DLG2: variants seen among roughly 807,000 people sequenced by gnomAD.
The protein encoded by DLG2 is discs large MAGUK scaffold protein 2.
A neutral mutation model predicts 132.5 loss-of-function variants in DLG2; 45 were observed. That is an observed-to-expected ratio of 0.34 (90% CI 0.27 to 0.44). The LOEUF (loss-of-function observed/expected upper bound fraction) is 0.44, where lower values mean the gene tolerates loss of function less well. Ranked by LOEUF, DLG2 falls within the 20% of genes least tolerant of loss-of-function variation. The pLI is 1.00. For missense variants in DLG2, 1,045 were observed against 1,196.9 expected (o/e 0.87, Z 1.87); for synonymous variants, 424 against 419.6 (o/e 1.01, Z -0.13).
intron 6 of DLG2, chr11:84,546,491 C>T (rs1403257199): frequency 3.9e-6 from 1 of 253,186 alleles, no homozygotes; most frequent in Non-Finnish European, 8.0e-6. Flanking sequence ...TTCTTGATAG[C>T]AGTGCAACCA....
intron 18 of DLG2, among the ~76,000 whole-genome samples, chr11:83,694,779 T>C (rs1294895510): frequency 6.6e-6 from 1 of 152,220 alleles, no homozygotes; most frequent in Non-Finnish European, 1.5e-5. Context: ...CAGGCAGGAA[T>C]GGGTTTAACA....
At position 83,654,924 on chromosome 11, in the gene DLG2, A is replaced by C. The variant is rs569063520; in HGVS notation, c.1826-21599T>G. Among the ~76,000 whole-genome samples, 5 of 152,372 alleles carry C rather than the reference A, an allele frequency of 3.3e-5. No homozygotes were observed. The South Asian group carries it at 1.0e-3, about 32-fold the overall frequency. On this transcript the variant is annotated intron_variant, in intron 18 of 27. Transcript: ENST00000376104. Reference sequence around the variant, plus strand: ...GATAAGATGTCTTGGGGACTGGTCCAGGTGCAGGACAAGAGAAACAACTAT... The same window carrying C: ...GATAAGATGTCTTGGGGACTGGTCCCGGTGCAGGACAAGAGAAACAACTAT...
chr11:85,558,592 G>A lies in DLG2; in HGVS notation c.40+40065C>T, dbSNP rs1353953947. Among the ~76,000 whole-genome samples, 9 of 151,954 alleles carry A rather than the reference G, an allele frequency of 5.9e-5. No individual in the cohort carries two copies. In the South Asian group the frequency reaches 6.2e-4, roughly 11 times the overall value. On this transcript the variant is annotated intron_variant, in intron 3 of 27. Transcript: ENST00000376104. The stretch of plus-strand genomic sequence containing the variant: ...AAAGACAATGTGGTATATATACACC[G>A]TGGAATACTATGCAGCCATGAAAAA...
At chr11:83,874,575 T>C in intron 15 of DLG2, 87 bp from the exon 16 acceptor site, 3 of 1,035,754 alleles carry the variant, frequency 2.9e-6, no homozygotes, top group South Asian at 2.0e-5. Context: ...TTAGGGTACA[T>C]GTGCACAACG....
chr11:83,494,595 T>A (rs1028565745), intron 21 of DLG2, among the ~76,000 whole-genome samples: 3 of 151,632 alleles, frequency 2.0e-5, no homozygotes, highest in Non-Finnish European at 4.4e-5. Flanking sequence ...TTTGTATGGA[T>A]TTTTTAGTTA....
At chr11:83,918,484 G>A (rs890541732) in intron 15 of DLG2, among the ~76,000 whole-genome samples, 1 of 152,236 alleles carries the variant, frequency 6.6e-6, no homozygotes, top group South Asian at 2.1e-4. Context: ...CTAAGAAAAG[G>A]TTTGTTGCTC....
chr11:84,877,321 A>G (rs1274737204), intron 6 of DLG2, among the ~76,000 whole-genome samples: 1 of 151,884 alleles, frequency 6.6e-6, no homozygotes, highest in Admixed American at 6.6e-5. Flanking sequence ...TGGGAGTGTA[A>G]GCCTCTTTTT....
At chr11:84,254,485 T>C (rs2097433899) in intron 7 of DLG2, among the ~76,000 whole-genome samples, 1 of 152,150 alleles carries the variant, frequency 6.6e-6, no homozygotes. Flanking sequence ...TTAGAATTTA[T>C]TGACTAAAGG....
intron 6 of DLG2, among the ~76,000 whole-genome samples, chr11:84,977,000 A>T (rs948004868): frequency 2.6e-5 from 4 of 152,076 alleles, no homozygotes; most frequent in Non-Finnish European, 4.4e-5. Flanking sequence ...ACCGGTTACA[A>T]TGTAGCTATA....
At chr11:83,786,836 T>C (rs775179827) in intron 17 of DLG2, 44 bp from the exon 18 acceptor site, 1 of 1,574,304 alleles carries the variant, frequency 6.4e-7, no homozygotes, top group Non-Finnish European at 8.7e-7. Context: ...TCATAAGGCA[T>C]ATTATCCTGA....
chr11:84,934,525 G>GTTTTTTTTTTTTTTTTTTTTTTTTTTT (rs757894179), intron 6 of DLG2, among the ~76,000 whole-genome samples: 1 of 38,658 alleles, frequency 2.6e-5, no homozygotes. Context: ...GTTTTGTTTT[G>GTTTTTTTTTTTTTTTTTTTTTTTTTTT]TTTTTTTTTT....
intron 6 of DLG2, among the ~76,000 whole-genome samples, chr11:84,971,822 G>T (rs1267178102): frequency 6.6e-6 from 1 of 151,984 alleles, no homozygotes; most frequent in East Asian, 1.9e-4. Flanking sequence ...AATTAAGGAA[G>T]TCAAAAAAGC....
intron 3 of DLG2, among the ~76,000 whole-genome samples, chr11:85,422,193 A>G (rs1185684918): frequency 3.3e-5 from 5 of 152,236 alleles, no homozygotes; most frequent in Non-Finnish European, 7.3e-5. Flanking sequence ...TGAATTTCCC[A>G]GGAATTCTTT....
chr11:85,378,841 T>C (rs1175375178), intron 3 of DLG2, among the ~76,000 whole-genome samples: 1 of 152,138 alleles, frequency 6.6e-6, no homozygotes, highest in East Asian at 1.9e-4. Context: ...ATAACAAAAG[T>C]TTGAATACAT....
In DLG2 at chr11:83,685,640, A is replaced by G. The variant is rs188029984; in HGVS notation, c.1826-52315T>C. 2.0e-5 allele frequency among the ~76,000 whole-genome samples: 3 copies of G among 152,192 alleles called. No homozygotes were observed. The East Asian group carries it at 5.8e-4, about 29-fold the overall frequency. On this transcript the variant is annotated intron_variant, in intron 18 of 27. Transcript: ENST00000376104. ...CTTTTTTATACTCGCTCCCAAGGCT[A>G]GCCATCCGGTATCAAGACTAAAATG...
chr11:85,581,984 T>A (rs1311877948), intron 3 of DLG2, among the ~76,000 whole-genome samples: 2 of 152,158 alleles, frequency 1.3e-5, no homozygotes, highest in Non-Finnish European at 2.9e-5. Context: ...AGGCATTTGG[T>A]CATAAATTTA....
intron 3 of DLG2, among the ~76,000 whole-genome samples, chr11:85,572,785 G>A (rs999235424): frequency 2.0e-5 from 3 of 152,208 alleles, no homozygotes; most frequent in Non-Finnish European, 4.4e-5. Context: ...CACTGCATGT[G>A]TTAGGGACAC....
intron 6 of DLG2, among the ~76,000 whole-genome samples, chr11:84,815,981 C>T (rs2077046716): frequency 6.6e-6 from 1 of 151,996 alleles, no homozygotes; most frequent in Non-Finnish European, 1.5e-5. Context: ...TTTCAGTTTG[C>T]TGCAAACAAC....
rs190791924 is a variant in DLG2, at chr11:83,564,580, A to G, written c.1941-22722T>C. 5.9e-5 allele frequency among the ~76,000 whole-genome samples: 9 copies of G among 152,280 alleles called. No individual in the cohort carries two copies. In the East Asian group the frequency reaches 1.7e-3, roughly 29 times the overall value. ...GGGATGCAAAGGAAAAAATTCTGGCATCTATGTTTTTGGGGTTTACTGAGG... is the reference window on the plus strand; with the variant it reads ...GGGATGCAAAGGAAAAAATTCTGGCGTCTATGTTTTTGGGGTTTACTGAGG... On this transcript the variant is annotated intron_variant, in intron 19 of 27. Coordinates refer to ENST00000376104, the MANE Select transcript of DLG2 (RefSeq NM_001142699.3).
Sources: allele counts gnomAD v4.1 joint callset (sites outside exome capture counted in the v4.1 genomes callset), GRCh38; gene constraint gnomAD v4.1.1; transcripts MANE v1.5; gene names NCBI Gene and HGNC (gene_info 2026-07-23, HGNC 2026-07-21).